Variants in VRK2 observed in about 807,000 individuals in gnomAD.
VRK2 encodes the protein VRK serine/threonine kinase 2, also known as serine/threonine-protein kinase VRK2.
A neutral mutation model predicts 57.6 loss-of-function variants in VRK2; 60 were observed. That is an observed-to-expected ratio of 1.04 (90% CI 0.85 to 1.29). The LOEUF (loss-of-function observed/expected upper bound fraction) is 1.29. Ranked by LOEUF, VRK2 falls within the 50% of genes most tolerant of loss-of-function variation. VRK2 has a pLI of 0.00. For synonymous variants in VRK2, 231 were observed against 199.2 expected, an observed-to-expected ratio of 1.16 and a Z score of -1.35; for missense variants, 705 against 588.1, an observed-to-expected ratio of 1.20 and a Z score of -2.06.
At chr2:57,976,012 T>C (rs1223645352) in intron 1 of VRK2, among the ~76,000 whole-genome samples, 1 of 151,932 alleles carries the variant, frequency 6.6e-6, no homozygotes. Flanking sequence ...TGAGAGCATG[T>C]GGTATTTGGT....
chr2:57,940,301 T>C (rs1671051192), intron 1 of VRK2, among the ~76,000 whole-genome samples: 1 of 152,044 alleles, frequency 6.6e-6, no homozygotes, highest in Admixed American at 6.6e-5. Context: ...AGAGGACTCA[T>C]GTCCGAGCTC....
At chr2:58,159,904 G>A (rs994932534), downstream of VRK2, 5 of 1,553,074 alleles carry the variant, frequency 3.2e-6, no homozygotes, top group East Asian at 6.8e-5. Flanking sequence ...AGTACAGTTT[G>A]GAAAACACTT....
At chr2:57,912,845 C>A (rs956017536) in intron 1 of VRK2, among the ~76,000 whole-genome samples, 5 of 152,136 alleles carry the variant, frequency 3.3e-5, no homozygotes, top group African/African-American at 1.2e-4. Context: ...AAAACCCTTA[C>A]CCCTAATGTG....
intron 1 of VRK2, among the ~76,000 whole-genome samples, chr2:57,941,130 A>G (rs1671080474): frequency 6.6e-6 from 1 of 152,180 alleles, no homozygotes; most frequent in African/African-American, 2.4e-5. Context: ...TCCGTAAGAA[A>G]TCTGGACACT....
chr2:58,146,243 TG>T, intron 11 of VRK2, 72 bp from the exon 12 acceptor site: 1 of 1,291,248 alleles, frequency 7.7e-7, no homozygotes, highest in Non-Finnish European at 1.0e-6. Flanking sequence ...TTTAAGAATC[TG>T]GACATATATG....
chr2:58,006,723 A>G (rs1477949173), intron 1 of VRK2, among the ~76,000 whole-genome samples: 1 of 152,142 alleles, frequency 6.6e-6, no homozygotes, highest in Non-Finnish European at 1.5e-5. Context: ...CAAAGCAACA[A>G]TCAGAAGAGC....
At chr2:58,146,553 T>C (rs1446248479) in intron 12 of VRK2, 79 bp downstream of exon 12, 3 of 1,491,946 alleles carry the variant, frequency 2.0e-6, no homozygotes, top group African/African-American at 1.4e-5. Flanking sequence ...AAACATCTTA[T>C]TTTCTCCTGA....
intron 7 of VRK2, among the ~76,000 whole-genome samples, chr2:58,098,435 C>T (rs1434531077): frequency 6.6e-6 from 1 of 152,032 alleles, no homozygotes; most frequent in Non-Finnish European, 1.5e-5. Context: ...AGAGTAACTT[C>T]CAGTCTTGTA....
At chr2:58,143,033 T>C (rs1681568505) in intron 11 of VRK2, among the ~76,000 whole-genome samples, 1 of 151,890 alleles carries the variant, frequency 6.6e-6, no homozygotes, top group Non-Finnish European at 1.5e-5. Flanking sequence ...TCCCATAGCA[T>C]ATCCAGAGTT....
At chr2:58,034,856 T>C (rs966459537) in intron 3 of VRK2, among the ~76,000 whole-genome samples, 3 of 152,036 alleles carry the variant, frequency 2.0e-5, no homozygotes, top group African/African-American at 7.2e-5. Flanking sequence ...GGTACTATTC[T>C]AAACGCTTGG....
chr2:57,992,766 G>C (rs1672808179), intron 1 of VRK2, among the ~76,000 whole-genome samples: 1 of 152,128 alleles, frequency 6.6e-6, no homozygotes, highest in Non-Finnish European at 1.5e-5. Context: ...TCGATCTCCT[G>C]ACCTCATGAT....
intron 1 of VRK2, among the ~76,000 whole-genome samples, chr2:57,988,365 G>A (rs1672664198): frequency 6.6e-6 from 1 of 152,196 alleles, no homozygotes; most frequent in African/African-American, 2.4e-5. Flanking sequence ...AGTGTAGTCA[G>A]TGTGAATTTG....
rs1572795923 is a variant in VRK2, at chr2:58,025,264, A to T, written c.-438-401A>T. On this transcript the variant is annotated intron_variant, in intron 1 of 15. Transcript: ENST00000417641. ...AGGCACAAGAAAAGGCATTGCTCAT[A>T]TTTTTTTTTTTTTTAACTATTAGTT... 2.7e-5 allele frequency among the ~76,000 whole-genome samples: 4 copies of T among 146,930 alleles called. No homozygotes were observed. The South Asian group carries it at 8.7e-4, about 32-fold the overall frequency.
rs1682576480 is a variant in VRK2 at position 58,148,976 on chromosome 2, G to A, written c.1182+2502G>A. Among the ~76,000 whole-genome samples, 5 of 151,734 alleles carry A rather than the reference G, an allele frequency of 3.3e-5. No homozygotes were observed. In the South Asian group the frequency reaches 1.0e-3, roughly 32 times the overall value. ...TTCAAAAATGTATTGGCCATTTTAG[G>A]TCCTAGTCTCCTCCATAAAATTTAA... is the stretch of plus-strand genomic sequence containing the variant. On this transcript the variant is annotated intron_variant, in intron 12 of 12. Coordinates refer to ENST00000340157, the MANE Select transcript of VRK2 (RefSeq NM_006296.7).
intron 5 of VRK2, among the ~76,000 whole-genome samples, chr2:58,087,842 C>G (rs1671846461): frequency 6.6e-6 from 1 of 152,070 alleles, no homozygotes; most frequent in South Asian, 2.1e-4. Flanking sequence ...CAAAAATTAG[C>G]TGGGTGTGGT....
rs1046170476 is a variant in VRK2 at position 57,931,615 on chromosome 2, A to G, written c.-439+23776A>G. On this transcript the variant is annotated intron_variant, in intron 1 of 15. Transcript: ENST00000417641. ...TTATTTTGCTGTGCAGAAATGTATTAGTTCGATATAGTCCCACTTTGTTTT... is the reference window on the plus strand; with the variant it reads ...TTATTTTGCTGTGCAGAAATGTATTGGTTCGATATAGTCCCACTTTGTTTT... Among the ~76,000 whole-genome samples, 9 of 152,100 alleles carry G rather than the reference A, an allele frequency of 5.9e-5. No homozygotes were observed. In the South Asian group the frequency reaches 1.0e-3, roughly 18 times the overall value.
intron 1 of VRK2, among the ~76,000 whole-genome samples, chr2:57,931,408 T>C (rs1670719934): frequency 6.6e-6 from 1 of 152,196 alleles, no homozygotes; most frequent in Admixed American, 6.5e-5. Context: ...TATTGGCTAT[T>C]TGTATTCTTC....
intron 1 of VRK2, among the ~76,000 whole-genome samples, chr2:58,011,349 CT>C (rs1041237089): frequency 2.0e-5 from 3 of 152,140 alleles, no homozygotes; most frequent in Admixed American, 6.5e-5. Context: ...AATGGCATTC[CT>C]TTTTTGGGTT....
chr2:58,099,751 T>G lies in VRK2; in HGVS notation c.543+10028T>G, dbSNP rs191452064. On this transcript the variant is annotated intron_variant, in intron 7 of 12. Coordinates refer to ENST00000340157, the MANE Select transcript of VRK2 (RefSeq NM_006296.7). ...CAGTGCCTTCTTGATTCCTGGCGATTGTGGTGGACTAAGAGTCAAGAGACT... is the reference window on the plus strand; with the variant it reads ...CAGTGCCTTCTTGATTCCTGGCGATGGTGGTGGACTAAGAGTCAAGAGACT... Among the ~76,000 whole-genome samples the G allele has an allele frequency of 3.7e-3, 565 of 152,186 alleles. 3 individuals are homozygous for G. Among genetic ancestry groups the G allele is most frequent in the Middle Eastern group, 0.034 (10 of 294 alleles).
Sources: gnomAD v4.1 joint callset for allele counts (sites outside exome capture counted in the v4.1 genomes callset) on GRCh38, gnomAD v4.1.1 for gene constraint, MANE v1.5 for transcripts, NCBI Gene and HGNC (gene_info 2026-07-23, HGNC 2026-07-21) for gene names.